The following PARD3 variants were observed in gnomAD, a reference collection of about 807,000 sequenced individuals.
PARD3 encodes the protein partitioning defective 3 homolog.
In PARD3, 75 loss-of-function variants were observed where a neutral mutation model predicts 155.4. The ratio of observed to expected loss-of-function variants is 0.48; its 90% CI spans 0.40 to 0.58. The LOEUF (loss-of-function observed/expected upper bound fraction) is 0.58, where lower values mean the gene tolerates loss of function less well. Ranked by LOEUF, PARD3 falls within the 20% of genes least tolerant of loss-of-function variation. PARD3 has a pLI of 0.00. For missense variants in PARD3, 1,642 were observed against 1,721.7 expected (o/e 0.95, Z 0.82); for synonymous variants, 576 against 610.5 (o/e 0.94, Z 0.83).
intron 1 of PARD3, among the ~76,000 whole-genome samples, chr10:34,749,903 T>C (rs993343235): frequency 6.6e-6 from 1 of 152,172 alleles, no homozygotes; most frequent in East Asian, 1.9e-4. Context: ...GCGCCTGTGG[T>C]CCCAGCTACT....
At position 34,198,799 on chromosome 10, in the gene PARD3, A is replaced by T. The variant is rs145397886; in HGVS notation, c.3420-67216T>A. 4.6e-5 allele frequency among the ~76,000 whole-genome samples: 7 copies of T among 152,226 alleles called. No homozygotes were observed. In the East Asian group the frequency reaches 1.4e-3, roughly 29 times the overall value. ...GGCAAATACAGAGGGAAAGTCAAAC[A>T]GTCAGATTTAACCCCAGGCCTCCCA... On this transcript the variant is annotated intron_variant, in intron 22 of 24. Transcript: ENST00000374788.
chr10:34,242,113 T>C (rs1006984429), intron 22 of PARD3, among the ~76,000 whole-genome samples: 1 of 152,190 alleles, frequency 6.6e-6, no homozygotes, highest in Non-Finnish European at 1.5e-5. Context: ...TCTTCGCATT[T>C]GAATTCACTC....
intron 21 of PARD3, 28 bp downstream of exon 21, chr10:34,284,107 G>A: frequency 8.3e-7 from 1 of 1,211,636 alleles, no homozygotes; most frequent in Non-Finnish European, 1.2e-6. Context: ...TCTTTCTAAG[G>A]AGGTTTAATC....
intron 2 of PARD3, among the ~76,000 whole-genome samples, chr10:34,624,177 A>G (rs1230682997): frequency 2.0e-5 from 3 of 152,114 alleles, no homozygotes; most frequent in Non-Finnish European, 2.9e-5. Context: ...TCATGACTGC[A>G]TGCGTCTCCC....
intron 1 of PARD3, among the ~76,000 whole-genome samples, chr10:34,753,165 A>T (rs1836280596): frequency 6.6e-6 from 1 of 152,210 alleles, no homozygotes; most frequent in Admixed American, 6.5e-5. Context: ...TGCTGTGTGT[A>T]CAAACGAAGT....
At chr10:34,195,849 G>C (rs961893218) in intron 22 of PARD3, among the ~76,000 whole-genome samples, 1 of 152,182 alleles carries the variant, frequency 6.6e-6, no homozygotes, top group East Asian at 1.9e-4. Flanking sequence ...CTATGAAAAT[G>C]AGGCCAAGCT....
At chr10:34,701,781 T>C (rs917530300) in intron 1 of PARD3, among the ~76,000 whole-genome samples, 6 of 152,118 alleles carry the variant, frequency 3.9e-5, no homozygotes, top group Non-Finnish European at 7.4e-5. Flanking sequence ...CCTGTGCCCA[T>C]AGTCCAGCTA....
At chr10:34,750,421 T>A (rs1564578196) in intron 1 of PARD3, among the ~76,000 whole-genome samples, 1 of 150,472 alleles carries the variant, frequency 6.6e-6, no homozygotes, top group Non-Finnish European at 1.5e-5. Context: ...TACAGACACA[T>A]TTGTAGTACC....
At chr10:34,635,674 T>C (rs548998025) in intron 2 of PARD3, among the ~76,000 whole-genome samples, 1 of 152,344 alleles carries the variant, frequency 6.6e-6, no homozygotes, top group Admixed American at 6.5e-5. Flanking sequence ...ATACTTGTTT[T>C]AGTTTTTCTT....
intron 2 of PARD3, among the ~76,000 whole-genome samples, chr10:34,619,054 TTTC>T (rs1358894558): frequency 1.3e-4 from 19 of 149,866 alleles, no homozygotes; most frequent in Non-Finnish European, 2.7e-4. Flanking sequence ...CTTTTTTTTT[TTTC>T]TTTTTTTTTT....
At chr10:34,646,431 A>G (rs2092839703) in intron 2 of PARD3, among the ~76,000 whole-genome samples, 1 of 152,146 alleles carries the variant, frequency 6.6e-6, no homozygotes, top group African/African-American at 2.4e-5. Flanking sequence ...ATTACAACAT[A>G]TTTTAATATG....
chr10:34,475,696 T>C (rs2078660481), intron 3 of PARD3, among the ~76,000 whole-genome samples: 1 of 152,230 alleles, frequency 6.6e-6, no homozygotes, highest in South Asian at 2.1e-4. Context: ...TGTTAATATC[T>C]CTGCCAATTT....
chr10:34,359,982 C>A, intron 13 of PARD3, 89 bp downstream of exon 13: 1 of 954,638 alleles, frequency 1.0e-6, no homozygotes, highest in East Asian at 2.4e-5. Flanking sequence ...GAGAAAACTT[C>A]TGTTAACTGT....
intron 1 of PARD3, among the ~76,000 whole-genome samples, chr10:34,747,300 A>G (rs927412981): frequency 2.6e-5 from 4 of 152,164 alleles, no homozygotes; most frequent in African/African-American, 9.7e-5. Context: ...CAGCCACTCT[A>G]GAGAGAGACA....
intron 20 of PARD3, among the ~76,000 whole-genome samples, chr10:34,316,806 CAA>C (rs1483707939): frequency 2.0e-5 from 3 of 152,124 alleles, no homozygotes; most frequent in African/African-American, 7.2e-5. Context: ...AAATCCATAA[CAA>C]AGTAAAAATG....
chr10:34,487,377 G>A (rs2079547558), intron 3 of PARD3, among the ~76,000 whole-genome samples: 1 of 151,862 alleles, frequency 6.6e-6, no homozygotes, highest in South Asian at 2.1e-4. Context: ...CCGAGAAAAT[G>A]TTTGTTAAAG....
chr10:34,784,951 G>A (rs376680321), intron 1 of PARD3, among the ~76,000 whole-genome samples: 1 of 152,160 alleles, frequency 6.6e-6, no homozygotes, highest in African/African-American at 2.4e-5. Flanking sequence ...TGAAAAGTTA[G>A]TGCCAGAAAT....
intron 2 of PARD3, among the ~76,000 whole-genome samples, chr10:34,552,512 A>G (rs1349014037): frequency 6.6e-6 from 1 of 152,264 alleles, no homozygotes; most frequent in Non-Finnish European, 1.5e-5. Flanking sequence ...GTTCCAGACC[A>G]GCCTGGTCAA....
At chr10:34,342,804 T>A (rs1483996267) in intron 15 of PARD3, among the ~76,000 whole-genome samples, 1 of 152,218 alleles carries the variant, frequency 6.6e-6, no homozygotes, top group Non-Finnish European at 1.5e-5. Context: ...GGATTTCAAC[T>A]GCATTCCTCA....
Sources: allele counts gnomAD v4.1 joint callset (sites outside exome capture counted in the v4.1 genomes callset), GRCh38; gene constraint gnomAD v4.1.1; transcripts MANE v1.5; gene names NCBI Gene and HGNC (gene_info 2026-07-23, HGNC 2026-07-21).